The following SHISA9 variants were observed in gnomAD, a reference collection of about 807,000 sequenced individuals.
The protein encoded by SHISA9 is shisa family member 9.
SHISA9 carries 13 observed loss-of-function variants against 38.0 expected under a neutral mutation model. That is an observed-to-expected ratio of 0.34 (90% CI 0.22 to 0.54). The LOEUF (loss-of-function observed/expected upper bound fraction) is 0.54. Ranked by LOEUF, SHISA9 falls within the 20% of genes least tolerant of loss-of-function variation. The pLI is 0.91. For missense variants in SHISA9, 538 were observed against 575.8 expected (o/e 0.93, Z 0.67); for synonymous variants, 275 against 242.0 (o/e 1.14, Z -1.27).
chr16:13,458,278 G>A, the SHISA9 span: 3 of 224,594 alleles, frequency 1.3e-5, no homozygotes, highest in African/African-American at 7.1e-5. Flanking sequence ...TTCAACAAAT[G>A]TGGCTCTCAG....
At chr16:13,483,495 A>G in the SHISA9 span, among the ~76,000 whole-genome samples, 4 of 152,108 alleles carry the variant, frequency 2.6e-5, no homozygotes, top group Admixed American at 2.0e-4. Flanking sequence ...TGATATATAT[A>G]TTTTACTGGA....
chr16:12,934,839 C>T (rs930737330), intron 2 of SHISA9, among the ~76,000 whole-genome samples: 2 of 152,118 alleles, frequency 1.3e-5, no homozygotes, highest in South Asian at 2.1e-4. Flanking sequence ...TGGTTACAAG[C>T]AACAAAAGTC....
chr16:13,449,468 G>T, the SHISA9 span, among the ~76,000 whole-genome samples: 1 of 152,150 alleles, frequency 6.6e-6, no homozygotes, highest in Admixed American at 6.5e-5. Context: ...CTATTGATTG[G>T]AAAGGAGCAT....
chr16:13,251,482 C>T, the SHISA9 span, among the ~76,000 whole-genome samples: 2 of 152,076 alleles, frequency 1.3e-5, no homozygotes, highest in Non-Finnish European at 2.9e-5. Flanking sequence ...GTTAACACAC[C>T]ACGGCCCAAA....
chr16:13,427,950 G>A, the SHISA9 span, among the ~76,000 whole-genome samples: 222 of 152,300 alleles, frequency 1.5e-3, no homozygotes, highest in East Asian at 0.012. Context: ...TATTTAGAGC[G>A]CATTGAATGA....
rs183085825 is a variant in SHISA9, at chr16:12,966,965, T to G, written c.691+50150T>G. ...CTGGGTGCCTCCTGGGTGCCAGGAC[T>G]TGTGATGATCTCTGGGGAGGTCCAG... On this transcript the variant is annotated intron_variant, in intron 2 of 4. Transcript: ENST00000558583. Among the ~76,000 whole-genome samples the G allele has an allele frequency of 5.9e-5, 9 of 152,322 alleles. No homozygotes were observed. In the East Asian group the frequency reaches 1.7e-3, roughly 29 times the overall value.
chr16:13,432,800 AAACT>A, the SHISA9 span, among the ~76,000 whole-genome samples: 1 of 152,238 alleles, frequency 6.6e-6, no homozygotes, highest in Non-Finnish European at 1.5e-5. Flanking sequence ...TATCCTTAGC[AAACT>A]AACACAGGAA....
intron 2 of SHISA9, among the ~76,000 whole-genome samples, chr16:13,035,638 C>A (rs997230508): frequency 6.6e-6 from 1 of 152,012 alleles, no homozygotes; most frequent in Non-Finnish European, 1.5e-5. Flanking sequence ...TCAAGTGATT[C>A]TCCTGTCTCA....
chr16:13,322,045 T>C, the SHISA9 span, among the ~76,000 whole-genome samples: 1 of 152,238 alleles, frequency 6.6e-6, no homozygotes, highest in Non-Finnish European at 1.5e-5. Context: ...ACATATTGTA[T>C]ATGTCTTACT....
At chr16:13,112,520 C>T (rs747334218) in intron 2 of SHISA9, among the ~76,000 whole-genome samples, 5 of 152,086 alleles carry the variant, frequency 3.3e-5, no homozygotes, top group Non-Finnish European at 7.4e-5. Context: ...ATTCTGGGAC[C>T]CCACGCCACA....
At chr16:13,370,497 C>T in the SHISA9 span, among the ~76,000 whole-genome samples, 1 of 152,170 alleles carries the variant, frequency 6.6e-6, no homozygotes, top group Non-Finnish European at 1.5e-5. Flanking sequence ...GGTTTGTTTT[C>T]TTCAGCTGAT....
chr16:13,156,102 C>G (rs978966386), intron 2 of SHISA9, among the ~76,000 whole-genome samples: 1 of 152,190 alleles, frequency 6.6e-6, no homozygotes, highest in Non-Finnish European at 1.5e-5. Flanking sequence ...TTTTAATTCA[C>G]TGTTACTGCT....
chr16:12,981,932 A>G (rs1414799626), intron 2 of SHISA9, among the ~76,000 whole-genome samples: 1 of 152,214 alleles, frequency 6.6e-6, no homozygotes, highest in Non-Finnish European at 1.5e-5. Context: ...CCCTGCTGCC[A>G]TCTTGATCTT....
the SHISA9 span, among the ~76,000 whole-genome samples, chr16:13,342,019 G>C: frequency 4.6e-5 from 7 of 152,132 alleles, no homozygotes; most frequent in South Asian, 1.5e-3. Flanking sequence ...TCACCATTCT[G>C]CCTGCTAAAT....
the SHISA9 span, among the ~76,000 whole-genome samples, chr16:13,496,005 G>A: frequency 6.6e-6 from 1 of 152,090 alleles, no homozygotes; most frequent in Non-Finnish European, 1.5e-5. Flanking sequence ...TGGGACAAAA[G>A]CAATAATCAC....
the SHISA9 span, among the ~76,000 whole-genome samples, chr16:13,533,329 C>T: frequency 6.6e-6 from 1 of 152,212 alleles, no homozygotes; most frequent in Admixed American, 6.5e-5. Context: ...TATTCTGTGC[C>T]TGAAGCCTAG....
At chr16:13,170,920 G>A (rs2050680235) in intron 2 of SHISA9, among the ~76,000 whole-genome samples, 1 of 152,170 alleles carries the variant, frequency 6.6e-6, no homozygotes, top group African/African-American at 2.4e-5. Flanking sequence ...GCCTCCCAAA[G>A]TGCTGGGATT....
At chr16:13,161,019 A>C (rs1374501060) in intron 2 of SHISA9, among the ~76,000 whole-genome samples, 2 of 152,326 alleles carry the variant, frequency 1.3e-5, no homozygotes, top group East Asian at 3.9e-4. Flanking sequence ...TTGGCATTTG[A>C]ACCAAAGCTT....
rs115550039 is a variant in SHISA9 at position 12,961,241 on chromosome 16, G to A, written c.691+44426G>A. Among the ~76,000 whole-genome samples the A allele has an allele frequency of 7.1e-3, 1,088 of 152,270 alleles. 11 individuals carry two copies. Among genetic ancestry groups the A allele is most frequent in the African/African-American group, 0.025 (1,053 of 41,540 alleles). On this transcript the variant is annotated intron_variant, in intron 2 of 4. Coordinates refer to ENST00000558583, the MANE Select transcript of SHISA9 (RefSeq NM_001145204.3). ...GAGTGGGGAGTGGCCTAGGGCTTTG[G>A]AGGGATGGACAGGAGGCCAGAATGG...
Sources: gnomAD v4.1 joint callset for allele counts (sites outside exome capture counted in the v4.1 genomes callset) on GRCh38, gnomAD v4.1.1 for gene constraint, MANE v1.5 for transcripts, NCBI Gene and HGNC (gene_info 2026-07-23, HGNC 2026-07-21) for gene names.